The following TRAPPC9 variants were observed in gnomAD, a reference collection of about 807,000 sequenced individuals.
TRAPPC9 encodes IKK2 binding protein.
Under a neutral mutation model 124.0 loss-of-function variants are expected in TRAPPC9, and 83 were observed. The observed-to-expected ratio is 0.67, with a 90% confidence interval of 0.56 to 0.80. The LOEUF (loss-of-function observed/expected upper bound fraction) is 0.80. TRAPPC9 is among the 30% of genes least tolerant of loss of function. The pLI is 0.00. For missense variants in TRAPPC9, 1,302 were observed against 1,508.3 expected, an observed-to-expected ratio of 0.86 and a Z score of 2.27; for synonymous variants, 638 against 617.5, an observed-to-expected ratio of 1.03 and a Z score of -0.49.
intron 21 of TRAPPC9, among the ~76,000 whole-genome samples, chr8:139,813,124 C>G (rs543447701): frequency 1.3e-5 from 2 of 152,214 alleles, no homozygotes; most frequent in Non-Finnish European, 2.9e-5. Flanking sequence ...ACTGTGCTGC[C>G]GGTCTCCCTG....
chr8:140,142,772 G>T (rs1193917967), intron 17 of TRAPPC9, among the ~76,000 whole-genome samples: 1 of 152,170 alleles, frequency 6.6e-6, no homozygotes, highest in African/African-American at 2.4e-5. Flanking sequence ...TTAGTTTACT[G>T]GCCTAAATAA....
In TRAPPC9 at chr8:139,799,546, G is replaced by A. The variant is rs62528705; in HGVS notation, c.3056-67344C>T. On this transcript the variant is annotated intron_variant, in intron 21 of 22. Transcript: ENST00000438773. ...ATCAGTCCACTGCTGGCTCCCACGA[G>A]GGTCTGGCTTCCTCAGACTGCATTT... 7.6e-3 allele frequency among the ~76,000 whole-genome samples: 1,150 copies of A among 152,286 alleles called. 6 individuals carry two copies. The highest frequency in any genetic ancestry group is 0.012 in the Non-Finnish European group (828 of 68,020).
intron 17 of TRAPPC9, among the ~76,000 whole-genome samples, chr8:140,086,888 C>T (rs527525631): frequency 8.5e-5 from 13 of 152,058 alleles, no homozygotes; most frequent in Admixed American, 7.2e-4. Flanking sequence ...GCCAAGATCA[C>T]GCCACTGTAC....
intron 18 of TRAPPC9, among the ~76,000 whole-genome samples, chr8:140,003,334 G>T (rs1563681295): frequency 1.3e-5 from 2 of 152,054 alleles, no homozygotes; most frequent in South Asian, 2.1e-4. Flanking sequence ...CAGCACTTTG[G>T]GAGGCTGAGG....
intron 20 of TRAPPC9, among the ~76,000 whole-genome samples, chr8:139,903,719 G>T (rs190553523): frequency 6.6e-6 from 1 of 152,254 alleles, no homozygotes; most frequent in African/African-American, 2.4e-5. Flanking sequence ...TGTTTGCTGT[G>T]TCATTGAAAT....
At chr8:140,021,669 T>C (rs891131068) in intron 18 of TRAPPC9, among the ~76,000 whole-genome samples, 3 of 152,226 alleles carry the variant, frequency 2.0e-5, no homozygotes, top group African/African-American at 4.8e-5. Context: ...GATCTCTTTA[T>C]ATAGCACCTG....
Position 139,872,388 on chromosome 8 carries a change from G to GTGGATGGATGGATGGA in TRAPPC9, c.3055+13475_3055+13490dup, listed in dbSNP as rs112393714. On this transcript the variant is annotated intron_variant, in intron 21 of 22. Coordinates refer to ENST00000438773, the MANE Select transcript of TRAPPC9 (RefSeq NM_001160372.4). Reference sequence around the variant, plus strand: ...GATGGGTAAATGGTTGGATAAGTGGGTGGATGGATGGATGGATGGATGGAT... The same window carrying GTGGATGGATGGATGGA: ...GATGGGTAAATGGTTGGATAAGTGGGTGGATGGATGGATGGATGGATGGATGGATGGATGGATGGAT... Among the ~76,000 whole-genome samples the GTGGATGGATGGATGGA allele has an allele frequency of 6.9e-3, 513 of 74,890 alleles. 15 individuals are homozygous for GTGGATGGATGGATGGA. The highest frequency in any genetic ancestry group is 0.02 in the African/African-American group (478 of 23,974). 49.1% of individuals were successfully genotyped at this position (74,890 alleles called of 152,430 possible).
Position 139,970,854 on chromosome 8 carries a change from G to A in TRAPPC9, c.2810+17872C>T, listed in dbSNP as rs191236560. On this transcript the variant is annotated intron_variant, in intron 19 of 22. Coordinates refer to ENST00000438773, the MANE Select transcript of TRAPPC9 (RefSeq NM_001160372.4). ...TTTCTGGTGTGGCCAGAAGCCAGCTGAACCTGAAGGGATGGGGGCCACGTG... is the reference window on the plus strand; with the variant it reads ...TTTCTGGTGTGGCCAGAAGCCAGCTAAACCTGAAGGGATGGGGGCCACGTG... Among the ~76,000 whole-genome samples, 127 of 152,172 alleles carry A rather than the reference G, an allele frequency of 8.3e-4. 1 individual carries two copies. Among genetic ancestry groups the A allele is most frequent in the Admixed American group, 7.9e-3 (121 of 15,294 alleles).
chr8:139,946,805 C>T (rs1834252764), intron 19 of TRAPPC9, among the ~76,000 whole-genome samples: 2 of 143,420 alleles, frequency 1.4e-5, no homozygotes. Flanking sequence ...ACGGTGAAAC[C>T]CTGTCTCTGC....
At chr8:139,758,799 A>G (rs551188779) in intron 21 of TRAPPC9, among the ~76,000 whole-genome samples, 51 of 152,320 alleles carry the variant, frequency 3.3e-4, no homozygotes, top group African/African-American at 1.2e-3. Flanking sequence ...GGGTTATGCT[A>G]CAAATCAGCC....
intron 8 of TRAPPC9, among the ~76,000 whole-genome samples, chr8:140,362,866 AAATAGAT>A (rs1315873104): frequency 6.6e-5 from 10 of 152,344 alleles, no homozygotes; most frequent in Admixed American, 3.3e-4. Context: ...ATTCTTTTAA[AAATAGAT>A]AATGATCCAG....
intron 17 of TRAPPC9, among the ~76,000 whole-genome samples, chr8:140,181,000 T>G (rs954330321): frequency 6.6e-6 from 1 of 152,224 alleles, no homozygotes; most frequent in Non-Finnish European, 1.5e-5. Context: ...TCAGGCTAAT[T>G]CTCAGTTGCC....
At chr8:140,149,344 G>A (rs2061506687) in intron 17 of TRAPPC9, among the ~76,000 whole-genome samples, 1 of 152,192 alleles carries the variant, frequency 6.6e-6, no homozygotes, top group African/African-American at 2.4e-5. Context: ...CCGGGGCCAG[G>A]TGTGGTGGCT....
intron 7 of TRAPPC9, among the ~76,000 whole-genome samples, chr8:140,381,068 G>A (rs938604795): frequency 6.6e-6 from 1 of 151,756 alleles, no homozygotes; most frequent in Non-Finnish European, 1.5e-5. Flanking sequence ...AGCCATGTGT[G>A]GTGGTGTATG....
At chr8:139,888,442 C>T (rs981610169) in intron 20 of TRAPPC9, among the ~76,000 whole-genome samples, 2 of 152,152 alleles carry the variant, frequency 1.3e-5, no homozygotes, top group African/African-American at 4.8e-5. Context: ...GAATCATACC[C>T]CTGGCCTGTG....
chr8:140,017,607 T>TTG, intron 18 of TRAPPC9, among the ~76,000 whole-genome samples: 1 of 152,222 alleles, frequency 6.6e-6, no homozygotes. Flanking sequence ...ACCAATAACA[T>TTG]ACTCTCTTGA....
intron 21 of TRAPPC9, among the ~76,000 whole-genome samples, chr8:139,795,573 C>T (rs1215325918): frequency 1.3e-4 from 18 of 136,062 alleles, no homozygotes; most frequent in South Asian, 7.4e-4. Flanking sequence ...GTGGGGGCGG[C>T]GGGGAGAAGT....
intron 17 of TRAPPC9, among the ~76,000 whole-genome samples, chr8:140,042,440 G>A (rs1479708176): frequency 6.6e-6 from 1 of 152,222 alleles, no homozygotes; most frequent in Non-Finnish European, 1.5e-5. Flanking sequence ...ACACACGCAT[G>A]CTCCAAGGAT....
intron 10 of TRAPPC9, 142 bp downstream of exon 10, chr8:140,311,106 G>T: frequency 1.0e-6 from 1 of 961,914 alleles, no homozygotes; most frequent in Non-Finnish European, 1.6e-6. Context: ...TCATAGGGCT[G>T]CTTTCAAGTT....
Sources: allele counts gnomAD v4.1 joint callset (sites outside exome capture counted in the v4.1 genomes callset), GRCh38; gene constraint gnomAD v4.1.1; transcripts MANE v1.5; gene names NCBI Gene and HGNC (gene_info 2026-07-23, HGNC 2026-07-21).